The following HSPG2 variants were observed in gnomAD, a reference collection of about 807,000 sequenced individuals.
HSPG2 encodes the protein basement membrane-specific heparan sulfate proteoglycan core protein.
In HSPG2, 278 loss-of-function variants were observed where a neutral mutation model predicts 526.6. The ratio of observed to expected loss-of-function variants is 0.53; its 90% CI spans 0.48 to 0.58. The LOEUF (loss-of-function observed/expected upper bound fraction) is 0.58. HSPG2 is among the 20% of genes least tolerant of loss of function. The probability of loss-of-function intolerance (pLI) is 0.00; values close to 1 mark genes in which losing one functional copy is unlikely to be tolerated. For synonymous variants in HSPG2, 2,465 were observed against 2,555.4 expected (o/e 0.96, Z 1.07); for missense variants, 5,354 against 6,099.5 (o/e 0.88, Z 4.07).
In HSPG2 at chr1:21,855,621, C is replaced by A; in HGVS notation, c.5756G>T (p.Arg1919Leu). Residue 1919 changes from arginine (R) to leucine (L), a missense_variant, in exon 46 of 97, where the codon CGC becomes CTC. Coordinates refer to ENST00000374695, the MANE Select transcript of HSPG2 (RefSeq NM_005529.7). ...ATCCGTGGGCTCGACAGCTGGCAGG[C>A]GCAGGATGCCGCCGTGGATTTGTGC... ...AKAQIHGGIL[R>L]LPAVEPTDQA... is the part of the protein sequence containing the mutation. 1.9e-6 allele frequency: 3 copies of A among 1,576,606 alleles called. No individual in the cohort carries two copies. The highest frequency in any genetic ancestry group is 1.7e-6 in the Non-Finnish European group (2 of 1,164,064).
chr1:21,885,008 C>T lies in HSPG2; in HGVS notation c.1355+5G>A, dbSNP rs781394836. 20 of 1,613,758 alleles carry T rather than the reference C, an allele frequency of 1.2e-5. No individual in the cohort carries two copies. Among genetic ancestry groups the T allele is most frequent in the South Asian group, 8.8e-5 (8 of 91,086 alleles). On this transcript the variant is annotated splice_donor_5th_base_variant and intron_variant, in intron 11 of 96. Transcript: ENST00000374695. ...CCACCCCACCACCTGGGCCCAGAGC[C>T]GCACCTGGGATGAGAGGGGATGTGG...
rs1304488787 is a variant in HSPG2 at position 21,855,613 on chromosome 1, C to T, written c.5764G>A (p.Ala1922Thr). The T allele has an allele frequency of 6.3e-7, 1 of 1,580,178 alleles. No individual in the cohort carries two copies. The highest frequency in any genetic ancestry group is 8.6e-7 in the Non-Finnish European group (1 of 1,165,714). Residue 1922 changes from alanine to threonine, a missense_variant, in exon 46 of 97, where the codon GCT becomes ACT. Ala to Thr is a moderately conservative substitution (Grantham distance 58, BLOSUM62 0). Coordinates refer to ENST00000374695, the MANE Select transcript of HSPG2 (RefSeq NM_005529.7). ...TGGGCCTGATCCGTGGGCTCGACAG[C>T]TGGCAGGCGCAGGATGCCGCCGTGG... is the stretch of plus-strand genomic sequence containing the variant. ...QIHGGILRLP[A>T]VEPTDQAQYL...
chr1:21,887,447 C>G lies in HSPG2; in HGVS notation c.931G>C (p.Glu311Gln), dbSNP rs200992640. 2.4e-4 allele frequency: 391 copies of G among 1,613,966 alleles called. 1 individual carries two copies. The highest frequency in any genetic ancestry group is 3.2e-4 in the Non-Finnish European group (377 of 1,180,026). The change falls in exon 8 of 97, where the codon GAG becomes CAG. Residue 311 changes from glutamate to glutamine, a missense_variant. Physicochemically the swap from Glu to Gln is conservative, Grantham distance 29. Coordinates refer to ENST00000374695, the MANE Select transcript of HSPG2 (RefSeq NM_005529.7). This position sits in a 1 kb window ranked among gnomAD's most constrained non-coding sequence, Gnocchi z 5.0. ...DYLCDGQEDCEDGSDELDCGP... is the reference protein window; with the variant it reads ...DYLCDGQEDCQDGSDELDCGP... ...CAGTCTAGCTCATCGCTGCCGTCCT[C>G]GCAGTCCTCCTGTCCGTCGCAGAGG...
At chr1:21,862,389 A>G (rs1165112962) in intron 37 of HSPG2, among the ~76,000 whole-genome samples, 2 of 151,196 alleles carry the variant, frequency 1.3e-5, no homozygotes, top group Non-Finnish European at 3.0e-5. Flanking sequence ...TTCAAGGCCA[A>G]CTGGCTGACA....
chr1:21,854,964 T>A lies in HSPG2; in HGVS notation c.6017A>T (p.Asp2006Val). The change falls in exon 48 of 97, where the codon GAC (aspartate) becomes GTC (valine). Residue 2006 changes from aspartate to valine, a missense_variant. Coordinates refer to ENST00000374695, the MANE Select transcript of HSPG2 (RefSeq NM_005529.7). ...LPPQARSERT[D>V]IATLLIPAIT... Reference sequence around the variant, plus strand: ...GGCTGGGATGAGCAGTGTCGCGATGTCTGTGCGCTCTGACCGGGCCTGCCG... The same window carrying A: ...GGCTGGGATGAGCAGTGTCGCGATGACTGTGCGCTCTGACCGGGCCTGCCG... The A allele has an allele frequency of 1.2e-6, 2 of 1,613,434 alleles. No individual in the cohort carries two copies. The highest frequency in any genetic ancestry group is 2.7e-5 in the African/African-American group (2 of 75,050).
At chr1:21,925,440 C>G (rs912525138) in intron 1 of HSPG2, among the ~76,000 whole-genome samples, 1 of 152,194 alleles carries the variant, frequency 6.6e-6, no homozygotes, top group Non-Finnish European at 1.5e-5. Context: ...TGGCTCAGAG[C>G]AGGCCCCGCT....
Position 21,842,933 on chromosome 1 carries a change from G to A in HSPG2, c.8759-12C>T, listed in dbSNP as rs1343499915. 6.2e-7 allele frequency: 1 copy of A among 1,613,894 alleles called. No individual in the cohort carries two copies. The highest frequency in any genetic ancestry group is 1.7e-5 in the Admixed American group (1 of 59,996). ...GGCCAGTCCTGGAGCTGTGGGCACA[G>A]GGGGTGGGTGAGAGAGGCCAGGCTC... On this transcript the variant is annotated splice_polypyrimidine_tract_variant and intron_variant, in intron 66 of 96. Coordinates refer to ENST00000374695, the MANE Select transcript of HSPG2 (RefSeq NM_005529.7).
chr1:21,879,667 T>TG (rs1641351162), intron 17 of HSPG2, among the ~76,000 whole-genome samples: 1 of 151,550 alleles, frequency 6.6e-6, no homozygotes, highest in Non-Finnish European at 1.5e-5. Flanking sequence ...TGTTTTTTTT[T>TG]TCTGAGACTG....
At position 21,890,542 on chromosome 1, in the gene HSPG2, G is replaced by T. The variant is rs1434324279; in HGVS notation, c.354+43C>A. The T allele has an allele frequency of 6.2e-7, 1 of 1,605,312 alleles. No homozygotes were observed. The highest frequency in any genetic ancestry group is 1.3e-5 in the African/African-American group (1 of 74,504). Reference sequence around the variant, plus strand: ...AGGCCTTCACCCCATCCTCGGTCCTGCCCCGCCACACCCGCGAGCTTCCCA... The same window carrying T: ...AGGCCTTCACCCCATCCTCGGTCCTTCCCCGCCACACCCGCGAGCTTCCCA... On this transcript the variant is annotated intron_variant, in intron 4 of 96. Transcript: ENST00000374695. This position sits in a 1 kb window ranked among gnomAD's most constrained non-coding sequence, Gnocchi z 4.1.
rs1475832169 is a variant in HSPG2, at chr1:21,843,450, G to T, written c.8617-12C>A. 14 of 1,608,264 alleles carry T rather than the reference G, an allele frequency of 8.7e-6. No homozygotes were observed. The highest frequency in any genetic ancestry group is 1.3e-5 in the African/African-American group (1 of 74,780). The stretch of plus-strand genomic sequence containing the variant: ...AGTGGGCCGTGGACCTGGCCAAGGT[G>T]GGGTGAGAGCGGGGAGGGTGAGCTG... On this transcript the variant is annotated splice_polypyrimidine_tract_variant and intron_variant, in intron 65 of 96. Coordinates refer to ENST00000374695, the MANE Select transcript of HSPG2 (RefSeq NM_005529.7).
At chr1:21,882,342 G>C (rs914355792) in intron 13 of HSPG2, among the ~76,000 whole-genome samples, 4 of 151,200 alleles carry the variant, frequency 2.6e-5, no homozygotes, top group Admixed American at 6.6e-5. Context: ...ATATAAAATG[G>C]CTAGCTCTTA....
At chr1:21,871,874 T>C (rs1640676898) in intron 33 of HSPG2, among the ~76,000 whole-genome samples, 1 of 152,240 alleles carries the variant, frequency 6.6e-6, no homozygotes, top group Non-Finnish European at 1.5e-5. Context: ...GTCTTTATAT[T>C]TCCCGGCCTC....
Position 21,937,197 on chromosome 1 carries a change from G to A in HSPG2, c.21C>T (p.Gly7=). Residue 7 remains glycine, a synonymous_variant, in exon 1 of 97, where the codon GGC becomes GGT. Coordinates refer to ENST00000374695, the MANE Select transcript of HSPG2 (RefSeq NM_005529.7). The part of the protein sequence containing the change: MGWRAA[G]ALLLALLLHG... ...GCAGCAGCAGCGCCAGCAGCAGCGC[G>A]CCCGCCGCCCGCCACCCCATGGCCC... 9.3e-7 allele frequency: 1 copy of A among 1,078,584 alleles called. No homozygotes were observed. The highest frequency in any genetic ancestry group is 2.6e-5 in the South Asian group (1 of 38,302). The allele number at this position is 1,078,584 out of a possible 1,614,324, so 66.8% of individuals were successfully genotyped here.
intron 1 of HSPG2, among the ~76,000 whole-genome samples, chr1:21,928,356 G>A (rs1022429838): frequency 6.6e-6 from 1 of 152,244 alleles, no homozygotes; most frequent in Non-Finnish European, 1.5e-5. Flanking sequence ...GCCAGAGCAC[G>A]CCCCTTTCCA....
Position 21,890,251 on chromosome 1 carries a change from C to T in HSPG2, c.414-110G>A. 1 of 1,422,604 alleles carries T rather than the reference C, an allele frequency of 7.0e-7. No individual in the cohort carries two copies. The highest frequency in any genetic ancestry group is 9.9e-7 in the Non-Finnish European group (1 of 1,012,090). 88.1% of individuals were successfully genotyped at this position (1,422,604 alleles called of 1,614,324 possible). A position where few individuals can be genotyped will look rare whatever the true frequency, so the allele number is the denominator to read the frequency against. On this transcript the variant is annotated intron_variant, in intron 5 of 96. Coordinates refer to ENST00000374695, the MANE Select transcript of HSPG2 (RefSeq NM_005529.7). The surrounding 1 kb of genome is among the most constrained non-coding windows in gnomAD (Gnocchi z 4.1). ...AGGCCCTGTTCCGGGACAGCCTGTA[C>T]CCAAAGAAGGGCAACTAAAGGTCCC...
intron 14 of HSPG2, among the ~76,000 whole-genome samples, 169 bp from the exon 15 acceptor site, chr1:21,881,004 C>T (rs1641458505): frequency 6.6e-6 from 1 of 152,188 alleles, no homozygotes; most frequent in African/African-American, 2.4e-5. Context: ...GAGACTCAGG[C>T]CCTGACTCTA....
chr1:21,861,652 G>T, intron 39 of HSPG2, 105 bp downstream of exon 39: 2 of 1,037,536 alleles, frequency 1.9e-6, no homozygotes, highest in Non-Finnish European at 2.9e-6. Flanking sequence ...CAGGGAAGGA[G>T]CATAATCCTA....
Position 21,850,410 on chromosome 1 carries a change from A to G in HSPG2, c.7247T>C (p.Leu2416Pro). ...VCRVLGSSVPLEASVLVTIEP... is the reference protein window; with the variant it reads ...VCRVLGSSVPPEASVLVTIEP... ...AATGGTGACCAGGACAGAGGCCTCT[A>G]GAGGCACGGAGCTGCCCAACACTCG... Residue 2416 changes from leucine (L) to proline (P), a missense_variant, in exon 56 of 97, where the codon CTA becomes CCA. Coordinates refer to ENST00000374695, the MANE Select transcript of HSPG2 (RefSeq NM_005529.7). 1 of 1,611,594 alleles carries G rather than the reference A, an allele frequency of 6.2e-7. No individual in the cohort carries two copies. Among genetic ancestry groups the G allele is most frequent in the Non-Finnish European group, 8.5e-7 (1 of 1,179,210 alleles).
At chr1:21,863,065 A>AAAAAAAAAAAAT (rs1639936378) in intron 37 of HSPG2, among the ~76,000 whole-genome samples, 1 of 72,646 alleles carries the variant, frequency 1.4e-5, no homozygotes, top group African/African-American at 5.9e-5. Flanking sequence ...CATCTCAAAA[A>AAAAAAAAAAAAT]AAAAAAAAAA....
Sources: allele counts gnomAD v4.1 joint callset (sites outside exome capture counted in the v4.1 genomes callset), GRCh38; gene constraint gnomAD v4.1.1; non-coding constraint Gnocchi (gnomAD v3.1); transcripts MANE v1.5; gene names NCBI Gene and HGNC (gene_info 2026-07-23, HGNC 2026-07-21).